Variants in BAZ1A observed in about 807,000 individuals in gnomAD.
BAZ1A encodes bromodomain adjacent to zinc finger domain protein 1A.
Under a neutral mutation model 185.2 loss-of-function variants are expected in BAZ1A, and 50 were observed. The observed-to-expected ratio is 0.27, with a 90% CI of 0.22 to 0.34. The LOEUF is 0.34. BAZ1A is among the 10% of genes least tolerant of loss of function. The pLI, the probability that BAZ1A is intolerant of heterozygous loss-of-function variation, is 1.00. For synonymous variants in BAZ1A, 571 were observed against 615.6 expected, an observed-to-expected ratio of 0.93 and a Z score of 1.07; for missense variants, 1,356 against 1,839.9, an observed-to-expected ratio of 0.74 and a Z score of 4.81.
At chr14:34,783,673 T>C (rs1880205059) in intron 15 of BAZ1A, 89 bp downstream of exon 15, 2 of 1,470,594 alleles carry the variant, frequency 1.4e-6, no homozygotes, top group African/African-American at 1.4e-5. Flanking sequence ...GTATAATGAA[T>C]GCCACATTAT....
chr14:34,791,441 G>A (rs1880841415), intron 12 of BAZ1A, among the ~76,000 whole-genome samples: 1 of 152,150 alleles, frequency 6.6e-6, no homozygotes. Flanking sequence ...GGGTCATATT[G>A]CTTAAAATGG....
chr14:34,762,277 GATTAGCTCT>G, intron 23 of BAZ1A, 54 bp from the exon 24 acceptor site: 1 of 1,498,836 alleles, frequency 6.7e-7, no homozygotes, highest in South Asian at 1.2e-5. Flanking sequence ...ATGAACATAT[GATTAGCTCT>G]ATTCTCCTTG....
At chr14:34,771,330 A>G in intron 21 of BAZ1A, 181 bp downstream of exon 21, 1 of 632,068 alleles carries the variant, frequency 1.6e-6, no homozygotes. Flanking sequence ...ACTCTTCACA[A>G]AAGACTGTAT....
At chr14:34,818,998 G>A (rs970279023) in intron 4 of BAZ1A, among the ~76,000 whole-genome samples, 4 of 151,674 alleles carry the variant, frequency 2.6e-5, no homozygotes, top group Non-Finnish European at 4.4e-5. Flanking sequence ...AAAATTAGCC[G>A]GGCGTGGTGG....
At chr14:34,847,034 T>C (rs957001481) in intron 3 of BAZ1A, among the ~76,000 whole-genome samples, 12 of 152,174 alleles carry the variant, frequency 7.9e-5, no homozygotes, top group African/African-American at 2.9e-4. Context: ...GTGTATCACC[T>C]GAGGTCAGGA....
intron 23 of BAZ1A, among the ~76,000 whole-genome samples, chr14:34,762,771 A>G (rs990849531): frequency 6.6e-6 from 1 of 152,180 alleles, no homozygotes; most frequent in Non-Finnish European, 1.5e-5. Context: ...TGCCCAGTCC[A>G]TATCTTCTTG....
At chr14:34,859,912 A>G (rs1373723015) in intron 3 of BAZ1A, among the ~76,000 whole-genome samples, 1 of 152,022 alleles carries the variant, frequency 6.6e-6, no homozygotes, top group Non-Finnish European at 1.5e-5. Context: ...CACAACCTCC[A>G]CCCTCCCCAA....
At chr14:34,813,941 G>A (rs141889024) in intron 4 of BAZ1A, among the ~76,000 whole-genome samples, 2 of 152,022 alleles carry the variant, frequency 1.3e-5, no homozygotes, top group African/African-American at 4.8e-5. Context: ...TACTTAGGAG[G>A]CTGAGGCAGG....
intron 4 of BAZ1A, among the ~76,000 whole-genome samples, chr14:34,814,009 C>T (rs902298973): frequency 1.3e-5 from 2 of 149,370 alleles, no homozygotes; most frequent in African/African-American, 2.5e-5. Flanking sequence ...CACCACTGTA[C>T]TCCAGCCTGG....
intron 23 of BAZ1A, among the ~76,000 whole-genome samples, chr14:34,762,505 G>A (rs915542945): frequency 1.1e-4 from 16 of 150,472 alleles, no homozygotes; most frequent in Admixed American, 9.3e-4. Flanking sequence ...TTGAGACAGA[G>A]TATCACTGTC....
intron 17 of BAZ1A, 74 bp from the exon 18 acceptor site, chr14:34,776,589 A>G: frequency 7.8e-7 from 1 of 1,280,338 alleles, no homozygotes. Flanking sequence ...ATACAAAGTT[A>G]CCCCAAGTTA....
intron 3 of BAZ1A, among the ~76,000 whole-genome samples, chr14:34,841,473 C>A (rs909087668): frequency 6.6e-6 from 1 of 152,098 alleles, no homozygotes. Context: ...TCACTTGCAA[C>A]CTCCGCCTCC....
At chr14:34,843,790 C>CT (rs781434750) in intron 3 of BAZ1A, among the ~76,000 whole-genome samples, 8 of 152,172 alleles carry the variant, frequency 5.3e-5, no homozygotes, top group Non-Finnish European at 1.0e-4. Context: ...ATGCCATTCT[C>CT]TGAGGTTTTA....
intron 3 of BAZ1A, among the ~76,000 whole-genome samples, chr14:34,839,444 C>T (rs1394713448): frequency 1.3e-5 from 2 of 150,338 alleles, no homozygotes; most frequent in Non-Finnish European, 1.5e-5. Context: ...GAGGCTGAGG[C>T]GAGAGGATGG....
chr14:34,832,842 A>G (rs1268996394), intron 3 of BAZ1A, among the ~76,000 whole-genome samples: 1 of 152,206 alleles, frequency 6.6e-6, no homozygotes, highest in Non-Finnish European at 1.5e-5. Flanking sequence ...ATTGAAAACA[A>G]GAACTCAGAT....
At chr14:34,819,953 T>A (rs2042061838) in intron 4 of BAZ1A, among the ~76,000 whole-genome samples, 1 of 151,522 alleles carries the variant, frequency 6.6e-6, no homozygotes, top group Non-Finnish European at 1.5e-5. Context: ...GTGTTCTGGA[T>A]TTTGGTCATT....
rs60176426 is a variant in BAZ1A, at chr14:34,829,267, GAAAAAAA to G, written c.393-3118_393-3112del. 8.1e-3 allele frequency among the ~76,000 whole-genome samples: 702 copies of G among 86,454 alleles called. 10 individuals carry two copies. Among genetic ancestry groups the G allele is most frequent in the African/African-American group, 0.028 (601 of 21,550 alleles). The allele number at this position is 86,454 out of a possible 152,430, so 56.7% of individuals were successfully genotyped here. On this transcript the variant is annotated intron_variant, in intron 3 of 26. Coordinates refer to ENST00000360310, the MANE Select transcript of BAZ1A (RefSeq NM_013448.3). ...GGCAACAGAGTGAGACTCTGTCTCT[GAAAAAAA>G]AAAAAAAAAAAAAAAAAGCCAGGCA...
At chr14:34,808,051 A>T (rs2041873531) in intron 5 of BAZ1A, among the ~76,000 whole-genome samples, 1 of 151,930 alleles carries the variant, frequency 6.6e-6, no homozygotes. Flanking sequence ...AGCCAAGATC[A>T]CACCAGTGCA....
intron 3 of BAZ1A, among the ~76,000 whole-genome samples, chr14:34,845,712 T>C (rs1264243810): frequency 6.6e-6 from 1 of 151,884 alleles, no homozygotes; most frequent in Non-Finnish European, 1.5e-5. Context: ...AATACAAAAA[T>C]TAGCAGGGCG....
Sources: gnomAD v4.1 joint callset for allele counts (sites outside exome capture counted in the v4.1 genomes callset) on GRCh38, gnomAD v4.1.1 for gene constraint, MANE v1.5 for transcripts, NCBI Gene and HGNC (gene_info 2026-07-23, HGNC 2026-07-21) for gene names.